AGBL3: variants seen among roughly 807,000 people sequenced by gnomAD.
The protein encoded by AGBL3 is cytosolic carboxypeptidase 3.
Under a neutral mutation model 94.5 loss-of-function variants are expected in AGBL3, and 68 were observed. The observed-to-expected ratio is 0.72, with a 90% CI of 0.59 to 0.88. The LOEUF (loss-of-function observed/expected upper bound fraction) is 0.88, where lower values mean the gene tolerates loss of function less well. Ranked by LOEUF, AGBL3 falls within the 40% of genes least tolerant of loss-of-function variation. The probability of loss-of-function intolerance (pLI) is 0.00; values close to 1 mark genes in which losing one functional copy is unlikely to be tolerated. For synonymous variants in AGBL3, 354 were observed against 370.7 expected (o/e 0.95, Z 0.52); for missense variants, 934 against 1,103.8 (o/e 0.85, Z 2.18).
intron 16 of AGBL3, among the ~76,000 whole-genome samples, chr7:135,118,700 T>A (rs1826672187): frequency 6.6e-6 from 1 of 152,220 alleles, no homozygotes; most frequent in African/African-American, 2.4e-5. Flanking sequence ...GAGATGTTAA[T>A]GATGTTAGAA....
chr7:135,059,198 T>C lies in AGBL3; in HGVS notation c.1871T>C (p.Ile624Thr), dbSNP rs1172047284. Residue 624 changes from isoleucine (I) to threonine (T), a missense_variant, in exon 12 of 17, where the codon ATT becomes ACT. Transcript: ENST00000436302. ...CGAGGCTCTGACAGTTCAGAATCCA[T>C]TGACTCTCTGACTTACCTTCTCAAG... ...SSRGSDSSES[I>T]DSLTYLLKLT... The C allele has an allele frequency of 5.2e-6, 8 of 1,551,350 alleles. No homozygotes were observed. The highest frequency in any genetic ancestry group is 4.9e-5 in the East Asian group (2 of 40,888).
intron 15 of AGBL3, among the ~76,000 whole-genome samples, chr7:135,097,841 C>T (rs1823144600): frequency 6.6e-6 from 1 of 152,112 alleles, no homozygotes; most frequent in Admixed American, 6.5e-5. Context: ...AAGACTGACT[C>T]AGAACTCAAA....
Position 134,990,828 on chromosome 7 carries a change from G to A in AGBL3, c.124+1518G>A, listed in dbSNP as rs1419716063. Among the ~76,000 whole-genome samples the A allele has an allele frequency of 2.0e-5, 3 of 152,284 alleles. No homozygotes were observed. The South Asian group carries it at 6.2e-4, about 32-fold the overall frequency. On this transcript the variant is annotated intron_variant, in intron 3 of 16. Transcript: ENST00000436302. ...TTCTTGTCTGATAGTTTTAACATCT[G>A]GGTTATCTTGATGTTAACATTTGTT...
chr7:135,107,106 CTTT>C (rs1330614363), intron 15 of AGBL3, among the ~76,000 whole-genome samples: 1 of 151,796 alleles, frequency 6.6e-6, no homozygotes, highest in African/African-American at 2.4e-5. Flanking sequence ...CTCTTTTCTT[CTTT>C]ATTAGTCTAG....
chr7:135,056,575 C>T (rs892355000), intron 11 of AGBL3, among the ~76,000 whole-genome samples: 2 of 151,572 alleles, frequency 1.3e-5, no homozygotes, highest in Admixed American at 1.3e-4. Flanking sequence ...GGTTAATATA[C>T]AATTGCCTTT....
At chr7:135,094,689 A>G in intron 15 of AGBL3, 1 of 363,262 alleles carries the variant, frequency 2.8e-6, no homozygotes, top group Non-Finnish European at 5.4e-6. Context: ...GAAAATCAAT[A>G]GGTTAGAGAC....
In AGBL3 at chr7:135,045,646, G is replaced by C. The variant is rs1253777452; in HGVS notation, c.1728+72G>C. 4.3e-6 allele frequency: 6 copies of C among 1,409,254 alleles called. No homozygotes were observed. In the Admixed American group the frequency reaches 1.2e-4, roughly 28 times the overall value. The allele number at this position is 1,409,254 out of a possible 1,614,324, so 87.3% of individuals were successfully genotyped here. On this transcript the variant is annotated intron_variant, in intron 10 of 16. Transcript: ENST00000436302. ...TAACATAAGCTGACTATGGGCCTAT[G>C]CAGTGTTTGCCTTTTAATGTCCCAA...
At chr7:135,037,367 A>G in intron 7 of AGBL3, 51 bp from the exon 8 acceptor site, 4 of 1,448,414 alleles carry the variant, frequency 2.8e-6, no homozygotes, top group Non-Finnish European at 3.7e-6. Flanking sequence ...TTGTACCTAT[A>G]GAAGAAAAAT....
At chr7:135,133,064 C>T (rs867898678) in intron 16 of AGBL3, among the ~76,000 whole-genome samples, 3 of 102,794 alleles carry the variant, frequency 2.9e-5, no homozygotes, top group Admixed American at 1.0e-4. Flanking sequence ...CGCACGCATG[C>T]GTGCACACAC....
At chr7:135,130,611 A>G (rs1263000225) in intron 16 of AGBL3, among the ~76,000 whole-genome samples, 1 of 151,800 alleles carries the variant, frequency 6.6e-6, no homozygotes, top group Non-Finnish European at 1.5e-5. Context: ...TATTAATTTA[A>G]TATAATATAA....
chr7:135,112,073 GT>G (rs1356289234), intron 15 of AGBL3, among the ~76,000 whole-genome samples: 2 of 152,146 alleles, frequency 1.3e-5, no homozygotes, highest in African/African-American at 4.8e-5. Flanking sequence ...GTACACTTCT[GT>G]TTTTTGGTCT....
At chr7:135,025,364 A>G (rs1477548078) in intron 5 of AGBL3, among the ~76,000 whole-genome samples, 2 of 151,590 alleles carry the variant, frequency 1.3e-5, no homozygotes, top group African/African-American at 4.8e-5. Context: ...CCATCAAACT[A>G]AGCTTCCACA....
chr7:135,066,897 G>C (rs1192699600), intron 12 of AGBL3, among the ~76,000 whole-genome samples: 1 of 152,216 alleles, frequency 6.6e-6, no homozygotes, highest in African/African-American at 2.4e-5. Context: ...GTGCAGGACA[G>C]TGGGTGCAGT....
chr7:135,063,065 T>C (rs1818976047), intron 12 of AGBL3, among the ~76,000 whole-genome samples: 1 of 152,178 alleles, frequency 6.6e-6, no homozygotes, highest in Non-Finnish European at 1.5e-5. Context: ...TCAGATGTTC[T>C]GCTTCTTCAT....
chr7:135,094,486 G>C (rs1313958820), intron 15 of AGBL3: 1 of 456,658 alleles, frequency 2.2e-6, no homozygotes. Context: ...AGAAACTCCT[G>C]GTGGCCATAG....
chr7:135,068,469 T>G (rs1397982459), intron 12 of AGBL3, among the ~76,000 whole-genome samples: 1 of 152,036 alleles, frequency 6.6e-6, no homozygotes, highest in Non-Finnish European at 1.5e-5. Context: ...GAAAAAATGT[T>G]AAGGGCAGCC....
chr7:135,082,362 C>G (rs551100913), intron 15 of AGBL3, among the ~76,000 whole-genome samples: 4 of 152,182 alleles, frequency 2.6e-5, no homozygotes, highest in Non-Finnish European at 5.9e-5. Context: ...TCATTTATTT[C>G]CCTGAAATTT....
At chr7:135,071,697 T>C (rs1244808008) in intron 12 of AGBL3, among the ~76,000 whole-genome samples, 10 of 152,040 alleles carry the variant, frequency 6.6e-5, no homozygotes, top group African/African-American at 1.4e-4. Flanking sequence ...GCTGGGAAAA[T>C]TGGCTAGCCA....
chr7:135,082,662 T>C (rs1259562755), intron 15 of AGBL3, among the ~76,000 whole-genome samples: 1 of 152,164 alleles, frequency 6.6e-6, no homozygotes, highest in Non-Finnish European at 1.5e-5. Flanking sequence ...GTGCTACCGC[T>C]AAGTTGTATC....
Sources: gnomAD v4.1 joint callset for allele counts (sites outside exome capture counted in the v4.1 genomes callset) on GRCh38, gnomAD v4.1.1 for gene constraint, MANE v1.5 for transcripts, NCBI Gene and HGNC (gene_info 2026-07-23, HGNC 2026-07-21) for gene names.